Variants in ITGB6 observed in about 807,000 individuals in gnomAD.
ITGB6 encodes the protein integrin subunit beta 6.
Under a neutral mutation model 84.5 loss-of-function variants are expected in ITGB6, and 80 were observed. That is an observed-to-expected ratio of 0.95 (90% CI 0.79 to 1.14). The LOEUF is 1.14. ITGB6 is among the 50% of genes most tolerant of loss of function. The pLI, the probability that ITGB6 is intolerant of heterozygous loss-of-function variation, is 0.00. For missense variants in ITGB6, 1,006 were observed against 968.0 expected, an observed-to-expected ratio of 1.04 and a Z score of -0.52; for synonymous variants, 383 against 354.9, an observed-to-expected ratio of 1.08 and a Z score of -0.89.
In ITGB6 at chr2:160,101,094, T is replaced by A. The variant is rs1328973334; in HGVS notation, c.*642A>T. ...TTTATTTTTATAGGTAACTTCTTAATTTATAAATTACTTATTCCTTATTTG... is the reference window on the plus strand; with the variant it reads ...TTTATTTTTATAGGTAACTTCTTAAATTATAAATTACTTATTCCTTATTTG... On this transcript the variant is annotated 3_prime_UTR_variant, in exon 15 of 15. Coordinates refer to ENST00000283249, the MANE Select transcript of ITGB6 (RefSeq NM_000888.5). The A allele has an allele frequency of 6.6e-6, 1 of 152,218 alleles. No homozygotes were observed. Among genetic ancestry groups the A allele is most frequent in the African/African-American group, 2.4e-5 (1 of 41,474 alleles). The allele number at this position is 152,218 out of a possible 1,614,324, so 9.4% of individuals were successfully genotyped here. A position where few individuals can be genotyped will look rare whatever the true frequency, so the allele number is the denominator to read the frequency against.
At chr2:160,139,425 G>A (rs116574269) in intron 8 of ITGB6, among the ~76,000 whole-genome samples, 2,804 of 152,156 alleles carry the variant, frequency 0.018, 90 homozygotes, top group African/African-American at 0.064. Flanking sequence ...TACTTTATGT[G>A]TAAGTTTGCC....
chr2:160,107,120 C>T (rs1696940573), intron 14 of ITGB6, among the ~76,000 whole-genome samples: 1 of 151,976 alleles, frequency 6.6e-6, no homozygotes, highest in African/African-American at 2.4e-5. Context: ...AAGGTTAATA[C>T]TTTTGGGGTT....
intron 1 of ITGB6, 27 bp from the exon 2 acceptor site, chr2:160,199,285 G>A (rs763483912): frequency 1.1e-5 from 17 of 1,565,594 alleles, no homozygotes; most frequent in Middle Eastern, 3.3e-4. Flanking sequence ...CAAGATGCAG[G>A]GATTAAGTAC....
intron 10 of ITGB6, among the ~76,000 whole-genome samples, chr2:160,131,617 T>C (rs929250819): frequency 6.6e-6 from 1 of 152,206 alleles, no homozygotes; most frequent in Non-Finnish European, 1.5e-5. Flanking sequence ...GCATTTACTT[T>C]CATTATACCA....
chr2:160,165,862 G>A (rs777472942), intron 7 of ITGB6, among the ~76,000 whole-genome samples: 6 of 152,192 alleles, frequency 3.9e-5, no homozygotes, highest in East Asian at 1.9e-4. Flanking sequence ...GCTGCAGAAG[G>A]TTCTGGCAAT....
At chr2:160,131,892 T>C (rs182905798) in intron 10 of ITGB6, among the ~76,000 whole-genome samples, 2 of 152,252 alleles carry the variant, frequency 1.3e-5, no homozygotes, top group East Asian at 3.9e-4. Flanking sequence ...TCATGCATGG[T>C]AAAAAATAAA....
At chr2:160,189,886 T>C (rs1365122263) in intron 4 of ITGB6, among the ~76,000 whole-genome samples, 2 of 152,160 alleles carry the variant, frequency 1.3e-5, no homozygotes, top group African/African-American at 4.8e-5. Context: ...ATCATGCTGC[T>C]ATAAAGACAC....
At chr2:160,150,248 C>T (rs1249206560) in intron 7 of ITGB6, among the ~76,000 whole-genome samples, 1 of 152,208 alleles carries the variant, frequency 6.6e-6, no homozygotes, top group Non-Finnish European at 1.5e-5. Context: ...ATCAGATTAA[C>T]AACAGATCTC....
intron 10 of ITGB6, among the ~76,000 whole-genome samples, chr2:160,131,576 C>T (rs1683470688): frequency 6.6e-6 from 1 of 152,164 alleles, no homozygotes; most frequent in Non-Finnish European, 1.5e-5. Flanking sequence ...GTAGGTACTC[C>T]ATGACCATTT....
chr2:160,107,223 A>G (rs759545104), intron 14 of ITGB6, among the ~76,000 whole-genome samples: 2 of 152,190 alleles, frequency 1.3e-5, no homozygotes, highest in Non-Finnish European at 2.9e-5. Flanking sequence ...GTAACCTATT[A>G]TATCAGAAAC....
At chr2:160,168,277 T>A (rs1685081013) in intron 7 of ITGB6, among the ~76,000 whole-genome samples, 1 of 152,200 alleles carries the variant, frequency 6.6e-6, no homozygotes, top group Non-Finnish European at 1.5e-5. Flanking sequence ...TCCTTAGTAG[T>A]GAGTGGCATT....
In ITGB6 at chr2:160,150,092, G is replaced by A. The variant is rs534964012; in HGVS notation, c.1018-8021C>T. Among the ~76,000 whole-genome samples the A allele has an allele frequency of 7.9e-5, 12 of 152,136 alleles. No individual in the cohort carries two copies. In the South Asian group the frequency reaches 2.3e-3, roughly 29 times the overall value. ...GCAAGGTAGGCCAACATTCAAATTC[G>A]GGAAATACAGAGAACACTACAAAGA... On this transcript the variant is annotated intron_variant, in intron 7 of 14. Transcript: ENST00000283249.
chr2:160,104,688 G>A (rs1696841890), intron 14 of ITGB6, among the ~76,000 whole-genome samples: 1 of 152,110 alleles, frequency 6.6e-6, no homozygotes, highest in African/African-American at 2.4e-5. Context: ...GAAATGTCAG[G>A]CTGAACATTT....
At chr2:160,167,156 G>A (rs368231550) in intron 7 of ITGB6, among the ~76,000 whole-genome samples, 2 of 151,886 alleles carry the variant, frequency 1.3e-5, no homozygotes, top group African/African-American at 2.4e-5. Flanking sequence ...TCCTTATATC[G>A]CAGTTATCCA....
At chr2:160,143,293 T>C (rs1414802992) in intron 7 of ITGB6, among the ~76,000 whole-genome samples, 1 of 152,016 alleles carries the variant, frequency 6.6e-6, no homozygotes, top group Non-Finnish European at 1.5e-5. Context: ...TAAAAAAAAA[T>C]CATAATAATA....
intron 8 of ITGB6, 93 bp from the exon 9 acceptor site, chr2:160,138,292 T>C (rs1683849200): frequency 8.3e-7 from 1 of 1,205,272 alleles, no homozygotes; most frequent in Non-Finnish European, 1.1e-6. Flanking sequence ...GAACTACAAA[T>C]AAATAAAACT....
chr2:160,175,860 A>T (rs928114476), intron 4 of ITGB6, among the ~76,000 whole-genome samples: 14 of 152,218 alleles, frequency 9.2e-5, no homozygotes, highest in African/African-American at 3.4e-4. Flanking sequence ...TTTCCTTGGG[A>T]GCAATGATTC....
intron 6 of ITGB6, among the ~76,000 whole-genome samples, chr2:160,170,814 G>C (rs776719962): frequency 5.9e-5 from 9 of 152,194 alleles, no homozygotes; most frequent in Non-Finnish European, 1.2e-4. Context: ...TTTATTAGCT[G>C]AGAAGTTCAT....
chr2:160,135,582 G>C (rs1683676055), intron 10 of ITGB6, among the ~76,000 whole-genome samples: 1 of 146,748 alleles, frequency 6.8e-6, no homozygotes, highest in Admixed American at 6.9e-5. Context: ...CCAAAAAAGA[G>C]CCCACATTGC....
Sources: gnomAD v4.1 joint callset for allele counts (sites outside exome capture counted in the v4.1 genomes callset) on GRCh38, gnomAD v4.1.1 for gene constraint, MANE v1.5 for transcripts, NCBI Gene and HGNC (gene_info 2026-07-23, HGNC 2026-07-21) for gene names.